The following HIBADH variants were observed in gnomAD, a reference collection of about 807,000 sequenced individuals.
HIBADH encodes 3-hydroxyisobutyrate dehydrogenase, mitochondrial.
HIBADH carries 25 observed loss-of-function variants against 36.1 expected under a neutral mutation model. That is an observed-to-expected ratio of 0.69 (90% confidence interval 0.50 to 0.97). HIBADH has a LOEUF of 0.97. Among genes scored for constraint, HIBADH ranks in the 50% least tolerant of loss-of-function variants. The pLI is 0.00. For missense variants in HIBADH, 421 were observed against 418.0 expected (o/e 1.01, Z -0.06); for synonymous variants, 160 against 149.5 (o/e 1.07, Z -0.51).
At chr7:27,555,302 C>CTTTTTTTTTTTTTTTTTTTTTTTTTTT (rs3072856) in intron 4 of HIBADH, among the ~76,000 whole-genome samples, 1 of 127,436 alleles carries the variant, frequency 7.8e-6, no homozygotes, top group African/African-American at 3.0e-5. Context: ...TCTTGCTCTA[C>CTTTTTTTTTTTTTTTTTTTTTTTTTTT]TTTTTTTTTT....
chr7:27,617,216 AAC>A (rs1456455095), intron 4 of HIBADH, among the ~76,000 whole-genome samples: 31 of 152,198 alleles, frequency 2.0e-4, no homozygotes, highest in African/African-American at 7.5e-4. Flanking sequence ...TATGTTTAGA[AAC>A]ACAAATACTT....
rs116049847 is a variant in HIBADH at position 27,533,250 on chromosome 7, C to T, written c.696-1902G>A. Among the ~76,000 whole-genome samples, 1,122 of 152,202 alleles carry T rather than the reference C, an allele frequency of 7.4e-3. 11 individuals carry two copies. Among genetic ancestry groups the T allele is most frequent in the African/African-American group, 0.025 (1,038 of 41,534 alleles). On this transcript the variant is annotated intron_variant, in intron 6 of 7. Transcript: ENST00000265395. Reference sequence around the variant, plus strand: ...AAAATGGTGAGCAAAGCTAATTATCCTAACTTTGTAAAACCCTACATTTTT... The same window carrying T: ...AAAATGGTGAGCAAAGCTAATTATCTTAACTTTGTAAAACCCTACATTTTT...
chr7:27,607,935 C>T (rs1785259180), intron 4 of HIBADH, among the ~76,000 whole-genome samples: 1 of 152,086 alleles, frequency 6.6e-6, no homozygotes, highest in Non-Finnish European at 1.5e-5. Context: ...GGACATAGTA[C>T]ATTAAATATG....
chr7:27,526,799 G>A (rs1207207415), intron 7 of HIBADH, among the ~76,000 whole-genome samples: 2 of 152,194 alleles, frequency 1.3e-5, no homozygotes, highest in African/African-American at 4.8e-5. Context: ...TGCTGACAAT[G>A]TGCCAGAAGC....
At chr7:27,549,089 A>G (rs1228409154) in intron 4 of HIBADH, among the ~76,000 whole-genome samples, 1 of 152,170 alleles carries the variant, frequency 6.6e-6, no homozygotes. Flanking sequence ...ATCTAAATGC[A>G]CATAATACTC....
intron 4 of HIBADH, among the ~76,000 whole-genome samples, chr7:27,596,141 C>T (rs528072427): frequency 1.3e-5 from 2 of 152,284 alleles, no homozygotes; most frequent in African/African-American, 4.8e-5. Flanking sequence ...AAGGTGCCAG[C>T]AGGTCTGTTG....
chr7:27,557,572 T>C (rs1291627395), intron 4 of HIBADH, among the ~76,000 whole-genome samples: 1 of 152,190 alleles, frequency 6.6e-6, no homozygotes, highest in East Asian at 1.9e-4. Flanking sequence ...ACAGGTTCAG[T>C]TGTCTGGTGA....
At position 27,531,358 on chromosome 7, in the gene HIBADH, G is replaced by C. The variant is rs1449248683; in HGVS notation, c.696-10C>G. ...TGGGTCAAGCCCTAACCTGTCAAAG[G>C]TCAAAGAAAAGAAGTGTTAAGTGTC... is the stretch of plus-strand genomic sequence containing the variant. On this transcript the variant is annotated splice_polypyrimidine_tract_variant and intron_variant, in intron 6 of 7. Transcript: ENST00000265395. 1 of 1,597,900 alleles carries C rather than the reference G, an allele frequency of 6.3e-7. No individual in the cohort carries two copies. The highest frequency in any genetic ancestry group is 2.2e-5 in the East Asian group (1 of 44,516).
At chr7:27,662,465 C>A (rs997551387) in intron 1 of HIBADH, among the ~76,000 whole-genome samples, 23 of 152,286 alleles carry the variant, frequency 1.5e-4, no homozygotes, top group African/African-American at 4.8e-4. Flanking sequence ...CCGAAAAGGG[C>A]GCTGAACCCG....
At chr7:27,550,491 C>G (rs946662976) in intron 4 of HIBADH, among the ~76,000 whole-genome samples, 6 of 152,098 alleles carry the variant, frequency 3.9e-5, no homozygotes, top group African/African-American at 1.4e-4. Flanking sequence ...ACACTGAAAA[C>G]TATTTGCAAT....
intron 4 of HIBADH, among the ~76,000 whole-genome samples, chr7:27,584,126 T>C (rs949992697): frequency 2.0e-5 from 3 of 152,052 alleles, no homozygotes; most frequent in Admixed American, 2.0e-4. Context: ...CAGATAATTG[T>C]GGATATCCTT....
intron 4 of HIBADH, among the ~76,000 whole-genome samples, chr7:27,557,634 G>A (rs1784412072): frequency 6.6e-6 from 1 of 152,142 alleles, no homozygotes; most frequent in Admixed American, 6.6e-5. Flanking sequence ...CCCCTCCAGA[G>A]GGGAGGAACA....
At chr7:27,651,474 G>C (rs1252203488) in intron 1 of HIBADH, among the ~76,000 whole-genome samples, 3 of 152,188 alleles carry the variant, frequency 2.0e-5, no homozygotes, top group African/African-American at 7.2e-5. Flanking sequence ...AACAGAATGA[G>C]TACACTTCAT....
chr7:27,629,245 A>AT, intron 4 of HIBADH, 126 bp downstream of exon 4: 1 of 931,280 alleles, frequency 1.1e-6, no homozygotes, highest in Non-Finnish European at 1.6e-6. Context: ...GTTTGGCTTT[A>AT]TTTTTAATGA....
chr7:27,554,607 A>G (rs994754551), intron 4 of HIBADH, among the ~76,000 whole-genome samples: 1 of 152,196 alleles, frequency 6.6e-6, no homozygotes, highest in Non-Finnish European at 1.5e-5. Flanking sequence ...CTCTATTTTA[A>G]AGAGAACTGA....
intron 1 of HIBADH, among the ~76,000 whole-genome samples, chr7:27,656,198 G>A (rs1284214102): frequency 1.3e-5 from 2 of 152,078 alleles, no homozygotes; most frequent in African/African-American, 2.4e-5. Flanking sequence ...GTATGGCTGT[G>A]TTCCAATACA....
chr7:27,610,976 T>C (rs1280304751), intron 4 of HIBADH, among the ~76,000 whole-genome samples: 1 of 152,192 alleles, frequency 6.6e-6, no homozygotes, highest in Non-Finnish European at 1.5e-5. Flanking sequence ...TGAAACTCAC[T>C]GAGATTTACC....
At chr7:27,564,274 C>T (rs922177788) in intron 4 of HIBADH, among the ~76,000 whole-genome samples, 3 of 152,098 alleles carry the variant, frequency 2.0e-5, no homozygotes, top group African/African-American at 2.4e-5. Flanking sequence ...AGAATTTTTT[C>T]CAAACCCAAG....
intron 1 of HIBADH, among the ~76,000 whole-genome samples, chr7:27,651,489 G>T (rs1359553635): frequency 6.6e-6 from 1 of 152,160 alleles, no homozygotes; most frequent in African/African-American, 2.4e-5. Flanking sequence ...CTTCATCAGA[G>T]AACTCTAACT....
Sources: allele counts gnomAD v4.1 joint callset (sites outside exome capture counted in the v4.1 genomes callset), GRCh38; gene constraint gnomAD v4.1.1; transcripts MANE v1.5; gene names NCBI Gene and HGNC (gene_info 2026-07-23, HGNC 2026-07-21).